Variants in HIP1 observed in about 807,000 individuals in gnomAD.
The protein encoded by HIP1 is huntingtin-interacting protein 1.
In HIP1, 65 loss-of-function variants were observed where a neutral mutation model predicts 147.6. The ratio of observed to expected loss-of-function variants is 0.44; its 90% CI spans 0.36 to 0.54. The LOEUF (loss-of-function observed/expected upper bound fraction) is 0.54, where lower values mean the gene tolerates loss of function less well. Ranked by LOEUF, HIP1 falls within the 20% of genes least tolerant of loss-of-function variation. The pLI is 0.00. For missense variants in HIP1, 1,061 were observed against 1,299.6 expected (o/e 0.82, Z 2.82); for synonymous variants, 479 against 504.0 (o/e 0.95, Z 0.67).
intron 22 of HIP1, 45 bp downstream of exon 22, chr7:75,553,408 A>C: frequency 6.2e-7 from 1 of 1,600,538 alleles, no homozygotes; most frequent in South Asian, 1.1e-5. Context: ...CAGCACGCAC[A>C]CCCAGAAGAA....
rs983647999 is a variant in HIP1 at position 75,535,454 on chromosome 7, C to T, written c.*2718G>A. 1.1e-5 allele frequency: 2 copies of T among 180,874 alleles called. No homozygotes were observed. Among genetic ancestry groups the T allele is most frequent in the Non-Finnish European group, 2.4e-5 (2 of 84,730 alleles). The allele number at this position is 180,874 out of a possible 1,614,324, so 11.2% of individuals were successfully genotyped here. A position where few individuals can be genotyped will look rare whatever the true frequency, so the allele number is the denominator to read the frequency against. On this transcript the variant is annotated 3_prime_UTR_variant, in exon 31 of 31. Transcript: ENST00000336926. ...GACTGCAGCCTCGACTTCCCAAGCT[C>T]AAGCAATTCTCCCACCTTAGCTCCC... is the stretch of plus-strand genomic sequence containing the variant.
chr7:75,730,184 G>T (rs1801791361), intron 1 of HIP1, among the ~76,000 whole-genome samples: 1 of 152,036 alleles, frequency 6.6e-6, no homozygotes, highest in African/African-American at 2.4e-5. Context: ...AAAGGAAGTG[G>T]ACAGGAGGTA....
At chr7:75,717,002 A>T (rs1048034698) in intron 1 of HIP1, among the ~76,000 whole-genome samples, 1 of 152,018 alleles carries the variant, frequency 6.6e-6, no homozygotes, top group Non-Finnish European at 1.5e-5. Context: ...TTTGTTTTGT[A>T]GAGATGGGGT....
Position 75,614,742 on chromosome 7 carries a change from GA to G in HIP1, c.121-15496del, listed in dbSNP as rs71098041. ...TCATGTTATATGTATTTTGTCACAG[GA>G]AAAAAAAAGATAAAAAACACTGAGA... On this transcript the variant is annotated intron_variant, in intron 1 of 30. Transcript: ENST00000336926. Among the ~76,000 whole-genome samples the G allele has an allele frequency of 2.7e-5, 4 of 150,488 alleles. No individual in the cohort carries two copies. In the East Asian group the frequency reaches 5.8e-4, roughly 22 times the overall value.
chr7:75,684,784 AG>A, intron 1 of HIP1, among the ~76,000 whole-genome samples: 1 of 152,100 alleles, frequency 6.6e-6, no homozygotes, highest in East Asian at 1.9e-4. Context: ...TGGGGCTCAA[AG>A]CATGCACATT....
chr7:75,564,634 G>A lies in HIP1; in HGVS notation c.804-1371C>T, dbSNP rs587698507. Among the ~76,000 whole-genome samples, 171 of 152,140 alleles carry A rather than the reference G, an allele frequency of 1.1e-3. 1 individual carries two copies. The highest frequency in any genetic ancestry group is 6.8e-3 in the Middle Eastern group (2 of 294). On this transcript the variant is annotated intron_variant, in intron 9 of 30. Transcript: ENST00000336926. ...TTTTGAGATTGGGTCTTAGTCTGTCGCCCAGGCTGGAGTATAGTGGCAAAA... is the reference window on the plus strand; with the variant it reads ...TTTTGAGATTGGGTCTTAGTCTGTCACCCAGGCTGGAGTATAGTGGCAAAA...
Position 75,557,910 on chromosome 7 carries a change from C to A in HIP1, c.1465-140G>T, listed in dbSNP as rs1212724770. On this transcript the variant is annotated intron_variant, in intron 15 of 30. Transcript: ENST00000336926. ...TTTCCTACCCACAGCCGGAACAGAG[C>A]CATCACCTTCAGATGCTTGATGCTC... 3 of 700,280 alleles carry A rather than the reference C, an allele frequency of 4.3e-6. No homozygotes were observed. The East Asian group carries it at 7.7e-5, about 18-fold the overall frequency. The allele number at this position is 700,280 out of a possible 1,614,324, so 43.4% of individuals were successfully genotyped here.
chr7:75,604,451 A>G (rs587656403), intron 1 of HIP1, among the ~76,000 whole-genome samples: 1 of 152,216 alleles, frequency 6.6e-6, no homozygotes, highest in South Asian at 2.1e-4. Flanking sequence ...AGGTGGGAAG[A>G]TCACTTCAGG....
chr7:75,578,646 C>A (rs115808806), intron 7 of HIP1, among the ~76,000 whole-genome samples: 1,985 of 152,168 alleles, frequency 0.013, 42 homozygotes, highest in African/African-American at 0.046. Context: ...CCACTGCATT[C>A]CAGCTTGGGT....
In HIP1 at chr7:75,668,953, C is replaced by A. The variant is rs568695370; in HGVS notation, c.121-69706G>T. Among the ~76,000 whole-genome samples, 89 of 152,262 alleles carry A rather than the reference C, an allele frequency of 5.8e-4. 1 individual carries two copies. The Middle Eastern group carries it at 0.01, about 17-fold the overall frequency. On this transcript the variant is annotated intron_variant, in intron 1 of 30. Transcript: ENST00000336926. Reference sequence around the variant, plus strand: ...GAAAACCTGGCTGGGCGCGGTGGCTCACGCCTGTAATCCCAGCACTTTGGG... The same window carrying A: ...GAAAACCTGGCTGGGCGCGGTGGCTAACGCCTGTAATCCCAGCACTTTGGG...
intron 1 of HIP1, among the ~76,000 whole-genome samples, chr7:75,663,478 C>A (rs556275064): frequency 6.6e-6 from 1 of 152,046 alleles, no homozygotes; most frequent in African/African-American, 2.4e-5. Flanking sequence ...CTGCTCCTAC[C>A]CCTACAGCAG....
chr7:75,589,162 A>AAG (rs1554500138), intron 4 of HIP1, among the ~76,000 whole-genome samples: 2 of 151,692 alleles, frequency 1.3e-5, no homozygotes, highest in African/African-American at 4.8e-5. Context: ...AAAAAAAAAA[A>AAG]AAGAAGAAGA....
intron 1 of HIP1, among the ~76,000 whole-genome samples, chr7:75,634,753 C>T (rs1258677848): frequency 6.6e-6 from 1 of 151,648 alleles, no homozygotes; most frequent in African/African-American, 2.4e-5. Context: ...TAGAAGACCC[C>T]CGTCTCTACA....
rs782796068 is a variant in HIP1 at position 75,542,923 on chromosome 7, G to C, written c.2818C>G (p.Arg940Gly). 6.2e-7 allele frequency: 1 copy of C among 1,614,070 alleles called. No individual in the cohort carries two copies. The highest frequency in any genetic ancestry group is 1.7e-5 in the Admixed American group (1 of 60,014). ...CCGGCAGTGGCCTGGTTCACTCCCC[G>C]AGAGGCCTGCTGCAGCTGGGCTAGG... ...PNLAQLQQASRGVNQATAGVV... is the reference protein window; with the variant it reads ...PNLAQLQQASGGVNQATAGVV... Residue 940 changes from arginine (R) to glycine (G), a missense_variant, in exon 28 of 31, where the codon CGG becomes GGG. This residue lies in a region of HIP1 where 810 missense variants were observed against 946.8 expected (regional missense o/e 0.86). Transcript: ENST00000336926.
chr7:75,546,279 G>A (rs1295264106), intron 25 of HIP1, among the ~76,000 whole-genome samples: 1 of 152,192 alleles, frequency 6.6e-6, no homozygotes, highest in Non-Finnish European at 1.5e-5. Flanking sequence ...AGAATCTGCA[G>A]ATAATCCTTG....
intron 1 of HIP1, among the ~76,000 whole-genome samples, chr7:75,665,265 A>T (rs1303877302): frequency 6.6e-6 from 1 of 152,140 alleles, no homozygotes; most frequent in African/African-American, 2.4e-5. Flanking sequence ...CTATCTCTAT[A>T]AAAAAATAAG....
In HIP1 at chr7:75,542,906, G is replaced by A. The variant is rs587758685; in HGVS notation, c.2835C>T (p.Ala945=). Residue 945 remains alanine (A), a synonymous_variant, in exon 28 of 31, where the codon GCC becomes GCT. Coordinates refer to ENST00000336926, the MANE Select transcript of HIP1 (RefSeq NM_005338.7). ...TGGTTGAGGCCACAACGCCGGCAGT[G>A]GCCTGGTTCACTCCCCGAGAGGCCT... ...LQQASRGVNQ[A]TAGVVASTIS... 1.3e-5 allele frequency: 21 copies of A among 1,613,940 alleles called. No individual in the cohort carries two copies. In the Admixed American group the frequency reaches 3.5e-4, roughly 27 times the overall value.
rs116141534 is a variant in HIP1, at chr7:75,576,029, G to T, written c.605-2128C>A. On this transcript the variant is annotated intron_variant, in intron 7 of 30. Transcript: ENST00000336926. ...TCCCCAAGTCTACCGGCTTCCTCAGGCTCCAACTGGCAGGAACCACGGGCT... is the reference window on the plus strand; with the variant it reads ...TCCCCAAGTCTACCGGCTTCCTCAGTCTCCAACTGGCAGGAACCACGGGCT... Among the ~76,000 whole-genome samples the T allele has an allele frequency of 7.1e-3, 1,081 of 152,272 alleles. 17 individuals are homozygous for T. The highest frequency in any genetic ancestry group is 0.025 in the African/African-American group (1,036 of 41,568).
chr7:75,619,951 G>A (rs1265083106), intron 1 of HIP1, among the ~76,000 whole-genome samples: 1 of 152,104 alleles, frequency 6.6e-6, no homozygotes, highest in Non-Finnish European at 1.5e-5. Flanking sequence ...CCGTGATCAC[G>A]GGTAACAGAT....
Sources: allele counts gnomAD v4.1 joint callset (sites outside exome capture counted in the v4.1 genomes callset), GRCh38; gene constraint gnomAD v4.1.1; regional missense constraint gnomAD v4.1.1; transcripts MANE v1.5; gene names NCBI Gene and HGNC (gene_info 2026-07-23, HGNC 2026-07-21).